Variants in IQCM observed in about 807,000 individuals in gnomAD.
The protein encoded by IQCM is IQ motif containing M, also known as IQ domain-containing protein M.
Under a neutral mutation model 57.6 loss-of-function variants are expected in IQCM, and 45 were observed. The ratio of observed to expected loss-of-function variants is 0.78; its 90% CI spans 0.62 to 1.00. IQCM has a LOEUF of 1.00. IQCM is among the 50% of genes least tolerant of loss of function. The probability of loss-of-function intolerance (pLI) is 0.00; values close to 1 mark genes in which losing one functional copy is unlikely to be tolerated. For missense variants in IQCM, 468 were observed against 511.6 expected (o/e 0.91, Z 0.82); for synonymous variants, 148 against 158.9 (o/e 0.93, Z 0.51).
intron 12 of IQCM, among the ~76,000 whole-genome samples, chr4:149,500,788 A>G (rs1187023561): frequency 6.6e-6 from 1 of 152,124 alleles, no homozygotes; most frequent in Non-Finnish European, 1.5e-5. Context: ...CTTTTTTTGT[A>G]CAGTTTCTCT....
At position 149,735,451 on chromosome 4, in the gene IQCM, T is replaced by C. The variant is rs17587072; in HGVS notation, c.45A>G (p.Thr15=). Residue 15 remains threonine, a synonymous_variant, in exon 4 of 14, where the codon ACA becomes ACG. Coordinates refer to ENST00000636793, the MANE Select transcript of IQCM (RefSeq NM_001363507.2). ...AAAAGTCTTGCTTGGTGATCTCTAA[T>C]GTAGGACCTAATATACAAACAGAGA... ...EAMPEKAKCP[T]LEITKQDFFQ... 0.5 allele frequency: 597,959 copies of C among 1,203,806 alleles called. 156,184 individuals are homozygous for C. Among genetic ancestry groups the C allele is most frequent in the Middle Eastern group, 0.55 (1,719 of 3,134 alleles). 74.6% of individuals were successfully genotyped at this position (1,203,806 alleles called of 1,614,324 possible). A position where few individuals can be genotyped will look rare whatever the true frequency, so the allele number is the denominator to read the frequency against.
At chr4:149,367,370 T>C (rs571656341) in intron 13 of IQCM, among the ~76,000 whole-genome samples, 32 of 152,134 alleles carry the variant, frequency 2.1e-4, no homozygotes, top group Admixed American at 1.3e-4. Context: ...GAGTGTCCTA[T>C]AGATAAATGA....
chr4:149,647,443 A>G (rs1485505410), intron 7 of IQCM, among the ~76,000 whole-genome samples: 1 of 152,096 alleles, frequency 6.6e-6, no homozygotes, highest in African/African-American at 2.4e-5. Flanking sequence ...TTATTTATCA[A>G]GCATCCTGAA....
rs562221100 is a variant in IQCM, at chr4:149,683,395, A to G, written c.477-1189T>C. On this transcript the variant is annotated intron_variant, in intron 6 of 13. Transcript: ENST00000636793. ...CCTAGAAAGCAGCATGGTCTATGAA[A>G]GAGGGGACTCTTCAGAGATTCACAT... Among the ~76,000 whole-genome samples the G allele has an allele frequency of 5.4e-4, 82 of 151,364 alleles. 1 individual carries two copies. In the South Asian group the frequency reaches 0.015, roughly 28 times the overall value.
chr4:149,667,898 A>C (rs1760881030), intron 7 of IQCM, among the ~76,000 whole-genome samples: 2 of 152,016 alleles, frequency 1.3e-5, no homozygotes, highest in South Asian at 4.1e-4. Context: ...AAAGGAACAA[A>C]AAAAGCTTCC....
chr4:149,501,561 A>G (rs1743241414), intron 12 of IQCM, among the ~76,000 whole-genome samples: 1 of 152,192 alleles, frequency 6.6e-6, no homozygotes, highest in Non-Finnish European at 1.5e-5. Context: ...TAAAACAGGG[A>G]AATCTGCTCA....
At chr4:149,520,177 A>G (rs527565949) in intron 12 of IQCM, among the ~76,000 whole-genome samples, 1 of 151,626 alleles carries the variant, frequency 6.6e-6, no homozygotes, top group Admixed American at 6.6e-5. Flanking sequence ...TCTGTATATT[A>G]ATTTTTTTAT....
chr4:149,551,463 G>A (rs960556467), intron 11 of IQCM, among the ~76,000 whole-genome samples: 3 of 152,014 alleles, frequency 2.0e-5, no homozygotes, highest in Admixed American at 1.3e-4. Flanking sequence ...GTAAAGCTAC[G>A]AAAAATAAGC....
chr4:149,595,417 C>T (rs963650133), intron 8 of IQCM, among the ~76,000 whole-genome samples: 11 of 151,888 alleles, frequency 7.2e-5, no homozygotes, highest in African/African-American at 1.9e-4. Context: ...TCACATAATA[C>T]GAAATGTTTG....
intron 7 of IQCM, among the ~76,000 whole-genome samples, chr4:149,659,524 T>A (rs1759973044): frequency 6.6e-6 from 1 of 152,022 alleles, no homozygotes. Context: ...CATCGCCAAG[T>A]CAATCCTAAG....
At chr4:149,734,835 T>A (rs1008276052) in intron 4 of IQCM, among the ~76,000 whole-genome samples, 8 of 152,134 alleles carry the variant, frequency 5.3e-5, no homozygotes, top group Admixed American at 4.6e-4. Context: ...TTTCGAAATA[T>A]ATGCCATTCA....
At chr4:149,774,184 G>C (rs1770848312) in intron 2 of IQCM, among the ~76,000 whole-genome samples, 2 of 151,328 alleles carry the variant, frequency 1.3e-5, no homozygotes, top group Non-Finnish European at 2.9e-5. Context: ...ACATTGACCA[G>C]GTAAAAAAAA....
In IQCM at chr4:149,788,550, T is replaced by A. The variant is rs1018330220; in HGVS notation, c.-49+26761A>T. 1.3e-4 allele frequency among the ~76,000 whole-genome samples: 20 copies of A among 152,138 alleles called. 1 individual carries two copies. Among genetic ancestry groups the A allele is most frequent in the Non-Finnish European group, 5.9e-5 (4 of 68,012 alleles). On this transcript the variant is annotated intron_variant, in intron 2 of 13. Coordinates refer to ENST00000636793, the MANE Select transcript of IQCM (RefSeq NM_001363507.2). ...AACTTTTATACACTGTTGGTGGGAA[T>A]GTAAATGAGTACAGCCACTACGGAA...
intron 13 of IQCM, among the ~76,000 whole-genome samples, chr4:149,387,645 T>A (rs1731516096): frequency 6.6e-6 from 1 of 152,080 alleles, no homozygotes; most frequent in Non-Finnish European, 1.5e-5. Flanking sequence ...TTTCCTCTGA[T>A]AATAGAAACT....
chr4:149,745,911 G>T (rs1159884021), intron 2 of IQCM, among the ~76,000 whole-genome samples: 1 of 152,070 alleles, frequency 6.6e-6, no homozygotes. Context: ...GGTCAAGGCT[G>T]CAGTGAGCCG....
At position 149,414,541 on chromosome 4, in the gene IQCM, C is replaced by A. The variant is rs906061573; in HGVS notation, c.1390+18855G>T. 5.3e-5 allele frequency among the ~76,000 whole-genome samples: 8 copies of A among 152,108 alleles called. 1 individual carries two copies. The South Asian group carries it at 1.5e-3, about 28-fold the overall frequency. Reference sequence around the variant, plus strand: ...ATATATTAGTGAAATAAATAATCATCGATACACTCAGAGTTTGTCCATTAT... The same window carrying A: ...ATATATTAGTGAAATAAATAATCATAGATACACTCAGAGTTTGTCCATTAT... On this transcript the variant is annotated intron_variant, in intron 13 of 13. Coordinates refer to ENST00000636793, the MANE Select transcript of IQCM (RefSeq NM_001363507.2).
At chr4:149,673,575 A>G (rs1460979238) in intron 7 of IQCM, among the ~76,000 whole-genome samples, 1 of 152,174 alleles carries the variant, frequency 6.6e-6, no homozygotes, top group African/African-American at 2.4e-5. Context: ...AGAGCTAACT[A>G]TCCTAAAAAT....
intron 12 of IQCM, among the ~76,000 whole-genome samples, chr4:149,534,256 G>T (rs1483021223): frequency 2.0e-5 from 3 of 152,080 alleles, no homozygotes; most frequent in African/African-American, 7.2e-5. Flanking sequence ...GCTAGAAAAT[G>T]CACACTATAA....
chr4:149,473,459 A>G (rs1191378594), intron 12 of IQCM, among the ~76,000 whole-genome samples: 1 of 152,240 alleles, frequency 6.6e-6, no homozygotes, highest in Non-Finnish European at 1.5e-5. Flanking sequence ...GGCAATCATT[A>G]AAAAGTCAGG....
Sources: gnomAD v4.1 joint callset for allele counts (sites outside exome capture counted in the v4.1 genomes callset) on GRCh38, gnomAD v4.1.1 for gene constraint, MANE v1.5 for transcripts, NCBI Gene and HGNC (gene_info 2026-07-23, HGNC 2026-07-21) for gene names.